TTC27: variants seen among roughly 807,000 people sequenced by gnomAD.
The protein encoded by TTC27 is tetratricopeptide repeat protein 27.
In TTC27, 79 loss-of-function variants were observed where a neutral mutation model predicts 115.9. That is an observed-to-expected ratio of 0.68 (90% CI 0.57 to 0.82). The LOEUF is 0.82. Ranked by LOEUF, TTC27 falls within the 40% of genes least tolerant of loss-of-function variation. The pLI is 0.00. For missense variants in TTC27, 1,054 were observed against 993.1 expected, an observed-to-expected ratio of 1.06 and a Z score of -0.82; for synonymous variants, 401 against 356.0, an observed-to-expected ratio of 1.13 and a Z score of -1.42.
intron 16 of TTC27, among the ~76,000 whole-genome samples, chr2:32,795,756 T>TATTATTATTATTATTA (rs1553321007): frequency 6.8e-6 from 1 of 147,104 alleles, no homozygotes; most frequent in Admixed American, 6.8e-5. Flanking sequence ...TTATTATTAT[T>TATTATTATTATTATTA]TTAGTAGAGA....
intron 9 of TTC27, among the ~76,000 whole-genome samples, chr2:32,700,479 G>A (rs374852100): frequency 2.0e-5 from 3 of 152,068 alleles, no homozygotes; most frequent in Non-Finnish European, 4.4e-5. Flanking sequence ...GATGTGACCC[G>A]TTATGGGTAG....
chr2:32,708,376 A>G (rs1572535613), intron 10 of TTC27, among the ~76,000 whole-genome samples: 1 of 137,886 alleles, frequency 7.3e-6, no homozygotes, highest in Admixed American at 7.7e-5. Flanking sequence ...CAGTGGCACA[A>G]TCTTGGCTCA....
intron 13 of TTC27, among the ~76,000 whole-genome samples, chr2:32,773,382 G>A (rs566403650): frequency 4.7e-4 from 72 of 152,306 alleles, no homozygotes; most frequent in African/African-American, 1.6e-3. Flanking sequence ...TCAAGAGAGC[G>A]TTTGTGGGGG....
chr2:32,678,848 A>G lies in TTC27; in HGVS notation c.1053-8A>G. On this transcript the variant is annotated splice_region_variant and splice_polypyrimidine_tract_variant and intron_variant, in intron 8 of 19. Coordinates refer to ENST00000317907, the MANE Select transcript of TTC27 (RefSeq NM_017735.5). ...ATAATTAATTTACCTTTTTTTCTTA[A>G]TTTAAAGCACTAATTTTCAAAAGAA... 1 of 1,599,582 alleles carries G rather than the reference A, an allele frequency of 6.3e-7. No individual in the cohort carries two copies. The highest frequency in any genetic ancestry group is 8.5e-7 in the Non-Finnish European group (1 of 1,173,598).
chr2:32,799,053 A>G (rs903623940), intron 16 of TTC27, among the ~76,000 whole-genome samples: 1 of 152,244 alleles, frequency 6.6e-6, no homozygotes, highest in Admixed American at 6.5e-5. Context: ...TATTAGTCTT[A>G]AAAAGGAAGG....
chr2:32,710,525 G>T (rs1667538983), intron 10 of TTC27, among the ~76,000 whole-genome samples: 2 of 149,174 alleles, frequency 1.3e-5, no homozygotes, highest in African/African-American at 5.0e-5. Context: ...GCCCTCCCAG[G>T]TTCAACCAAT....
At chr2:32,666,426 A>G (rs1330470674) in intron 6 of TTC27, among the ~76,000 whole-genome samples, 4 of 151,742 alleles carry the variant, frequency 2.6e-5, no homozygotes, top group Admixed American at 6.6e-5. Context: ...GTAGTGGCAG[A>G]AATCCTGGGT....
chr2:32,716,429 A>G (rs1667753900), intron 10 of TTC27, among the ~76,000 whole-genome samples: 1 of 152,188 alleles, frequency 6.6e-6, no homozygotes. Context: ...TTCTTCCCCA[A>G]TTCTGAGTTC....
At chr2:32,789,772 A>C (rs893007490) in intron 16 of TTC27, among the ~76,000 whole-genome samples, 1 of 151,702 alleles carries the variant, frequency 6.6e-6, no homozygotes. Flanking sequence ...AAATACAAAA[A>C]AAATTCAGCT....
intron 5 of TTC27, among the ~76,000 whole-genome samples, chr2:32,660,362 G>A (rs1665494100): frequency 6.6e-6 from 1 of 152,040 alleles, no homozygotes; most frequent in South Asian, 2.1e-4. Flanking sequence ...GCCCATCAAT[G>A]ATAGACTGGA....
chr2:32,665,687 G>A (rs542515273), intron 6 of TTC27, among the ~76,000 whole-genome samples: 14 of 152,300 alleles, frequency 9.2e-5, no homozygotes, highest in African/African-American at 3.1e-4. Context: ...GAGGTCAGGA[G>A]ATCGAGACCA....
At position 32,820,955 on chromosome 2, in the gene TTC27, T is replaced by C; in HGVS notation, c.*17T>C. On this transcript the variant is annotated 3_prime_UTR_variant, in exon 20 of 20. Coordinates refer to ENST00000317907, the MANE Select transcript of TTC27 (RefSeq NM_017735.5). Reference sequence around the variant, plus strand: ...CAGTATTGATTCTGCTGGAAGCAGATTCTGGAAAAGGTGCTTTCACCTGCT... The same window carrying C: ...CAGTATTGATTCTGCTGGAAGCAGACTCTGGAAAAGGTGCTTTCACCTGCT... 8.0e-7 allele frequency: 1 copy of C among 1,246,350 alleles called. No homozygotes were observed. The highest frequency in any genetic ancestry group is 1.0e-6 in the Non-Finnish European group (1 of 954,710). The allele number at this position is 1,246,350 out of a possible 1,614,324, so 77.2% of individuals were successfully genotyped here. A position where few individuals can be genotyped will look rare whatever the true frequency, so the allele number is the denominator to read the frequency against.
chr2:32,757,044 G>C (rs1452334568), intron 12 of TTC27, among the ~76,000 whole-genome samples: 1 of 152,198 alleles, frequency 6.6e-6, no homozygotes, highest in African/African-American at 2.4e-5. Context: ...TGAATGGGCT[G>C]TCTGGAATCA....
intron 2 of TTC27, 145 bp downstream of exon 2, chr2:32,630,845 A>G: frequency 1.4e-6 from 1 of 697,708 alleles, no homozygotes; most frequent in Admixed American, 3.3e-5. Flanking sequence ...TAATCTATGT[A>G]AAAACTCATC....
rs115610261 is a variant in TTC27, at chr2:32,673,569, T to G, written c.1052+1185T>G. Among the ~76,000 whole-genome samples, 353 of 152,310 alleles carry G rather than the reference T, an allele frequency of 2.3e-3. 1 individual carries two copies. Among genetic ancestry groups the G allele is most frequent in the African/African-American group, 8.0e-3 (334 of 41,576 alleles). On this transcript the variant is annotated intron_variant, in intron 8 of 19. Coordinates refer to ENST00000317907, the MANE Select transcript of TTC27 (RefSeq NM_017735.5). ...CTGGGATGTCAGAGAAATGAAGTTT[T>G]GTTATTCTCATTGCATCCTAGCAGG... is the stretch of plus-strand genomic sequence containing the variant.
intron 9 of TTC27, among the ~76,000 whole-genome samples, chr2:32,681,944 G>A (rs1377980934): frequency 6.8e-6 from 1 of 147,608 alleles, no homozygotes; most frequent in East Asian, 2.0e-4. Flanking sequence ...TTCATATTTT[G>A]GCTTATATTA....
At chr2:32,759,319 C>G (rs1402959595) in intron 13 of TTC27, among the ~76,000 whole-genome samples, 2 of 152,168 alleles carry the variant, frequency 1.3e-5, no homozygotes, top group African/African-American at 4.8e-5. Flanking sequence ...TAATGTTCAC[C>G]AAGCACTTAC....
chr2:32,744,471 G>T (rs1668749957), intron 12 of TTC27, among the ~76,000 whole-genome samples: 1 of 152,162 alleles, frequency 6.6e-6, no homozygotes, highest in Non-Finnish European at 1.5e-5. Context: ...AAACTACACA[G>T]TTGACCAGTG....
intron 16 of TTC27, among the ~76,000 whole-genome samples, chr2:32,808,820 A>G (rs1441853948): frequency 1.3e-5 from 2 of 152,248 alleles, no homozygotes; most frequent in Non-Finnish European, 2.9e-5. Context: ...TTTCATTTGT[A>G]CATGTTAGTA....
Sources: gnomAD v4.1 joint callset for allele counts (sites outside exome capture counted in the v4.1 genomes callset) on GRCh38, gnomAD v4.1.1 for gene constraint, MANE v1.5 for transcripts, NCBI Gene and HGNC (gene_info 2026-07-23, HGNC 2026-07-21) for gene names.